The following LIPM variants were observed in gnomAD, a reference collection of about 807,000 sequenced individuals.
LIPM encodes the protein lipase family member M, also known as lipase member M.
Under a neutral mutation model 42.4 loss-of-function variants are expected in LIPM, and 42 were observed. That is an observed-to-expected ratio of 0.99 (90% CI 0.77 to 1.28). The LOEUF (loss-of-function observed/expected upper bound fraction) is 1.28, where lower values mean the gene tolerates loss of function less well. Ranked by LOEUF, LIPM falls within the 50% of genes most tolerant of loss-of-function variation. LIPM has a pLI of 0.00. For synonymous variants in LIPM, 177 were observed against 173.3 expected (o/e 1.02, Z -0.17); for missense variants, 524 against 520.1 (o/e 1.01, Z -0.07).
chr10:88,811,484 A>G (rs1276096313), intron 2 of LIPM, among the ~76,000 whole-genome samples: 1 of 152,224 alleles, frequency 6.6e-6, no homozygotes, highest in Non-Finnish European at 1.5e-5. Flanking sequence ...TACTCCTAAT[A>G]GGGCAGCACC....
rs556504645 is a variant in LIPM, at chr10:88,806,062, A to T, written c.148-2236A>T. 3 of 454,122 alleles carry T rather than the reference A, an allele frequency of 6.6e-6. No individual in the cohort carries two copies. In the East Asian group the frequency reaches 2.1e-4, roughly 32 times the overall value. The allele number at this position is 454,122 out of a possible 1,614,324, so 28.1% of individuals were successfully genotyped here. A position where few individuals can be genotyped will look rare whatever the true frequency, so the allele number is the denominator to read the frequency against. The stretch of plus-strand genomic sequence containing the variant: ...GAACTTGGAGGAAGTGGCTTTCTAC[A>T]GCTAAGGCCATTCCTACAGAAAATG... On this transcript the variant is annotated intron_variant, in intron 1 of 8. Coordinates refer to ENST00000404743, the MANE Select transcript of LIPM (RefSeq NM_001128215.1).
chr10:88,803,910 G>A (rs148819143), intron 1 of LIPM, among the ~76,000 whole-genome samples: 121 of 152,126 alleles, frequency 8.0e-4, no homozygotes, highest in Non-Finnish European at 6.3e-4. Flanking sequence ...TAAATACTAC[G>A]CAATAAACCC....
chr10:88,819,288 T>C (rs1843757336), intron 8 of LIPM, among the ~76,000 whole-genome samples: 1 of 151,250 alleles, frequency 6.6e-6, no homozygotes, highest in South Asian at 2.1e-4. Context: ...AAGGGAAGAG[T>C]AAACAAACAC....
At chr10:88,808,910 C>CATTTT (rs72015280) in intron 2 of LIPM, among the ~76,000 whole-genome samples, 2,527 of 135,368 alleles carry the variant, frequency 0.019, 53 homozygotes, top group African/African-American at 0.032. Context: ...TCTATACATA[C>CATTTT]ATTTTATTTT....
Position 88,808,354 on chromosome 10 carries a change from A to G in LIPM, c.204A>G (p.Glu68=). The change falls in exon 2 of 9, where the codon GAA becomes GAG. Residue 68 remains glutamate, a synonymous_variant. Coordinates refer to ENST00000404743, the MANE Select transcript of LIPM (RefSeq NM_001128215.1). Reference sequence around the variant, plus strand: ...GTGAGGAATATGAAGTCGCAACTGAAGATGGGTATATCCTTTCTGTTAACA... The same window carrying G: ...GTGAGGAATATGAAGTCGCAACTGAGGATGGGTATATCCTTTCTGTTAACA... ...YPCEEYEVAT[E]DGYILSVNRI... 1 of 1,551,662 alleles carries G rather than the reference A, an allele frequency of 6.4e-7. No individual in the cohort carries two copies. Among genetic ancestry groups the G allele is most frequent in the Non-Finnish European group, 8.7e-7 (1 of 1,146,880 alleles).
At position 88,803,025 on chromosome 10, in the gene LIPM, A is replaced by G; in HGVS notation, c.129A>G (p.Pro43=). 1 of 1,550,962 alleles carries G rather than the reference A, an allele frequency of 6.4e-7. No individual in the cohort carries two copies. Among genetic ancestry groups the G allele is most frequent in the South Asian group, 1.2e-5 (1 of 83,816 alleles). ...SVHMPTKAVD[P]EAFMNISEII... ...ATATGCCAACTAAAGCTGTGGACCC[A>G]GAAGCATTCATGAATATTGTAAGTT... is the stretch of plus-strand genomic sequence containing the variant. The change falls in exon 1 of 9, where the codon CCA becomes CCG. Residue 43 remains proline, a synonymous_variant. Transcript: ENST00000404743.
chr10:88,816,296 C>A (rs1208875262), intron 6 of LIPM, among the ~76,000 whole-genome samples: 3 of 152,128 alleles, frequency 2.0e-5, no homozygotes, highest in African/African-American at 7.2e-5. Context: ...GCAGCTGGGG[C>A]AACATTTCCT....
At chr10:88,808,189 A>G in intron 1 of LIPM, 109 bp from the exon 2 acceptor site, 1 of 637,834 alleles carries the variant, frequency 1.6e-6, no homozygotes, top group Non-Finnish European at 2.8e-6. Flanking sequence ...GGGAAAAGCA[A>G]GGACTTTCAC....
rs1210228462 is a variant in LIPM, at chr10:88,817,891, A to G, written c.997A>G (p.Asn333Asp). The change falls in exon 8 of 9, where the codon AAT becomes GAT. Residue 333 changes from asparagine (N) to aspartate (D), a missense_variant. Asn to Asp is a conservative substitution (Grantham distance 23). Coordinates refer to ENST00000404743, the MANE Select transcript of LIPM (RefSeq NM_001128215.1). The stretch of plus-strand genomic sequence containing the variant: ...TGAGACCAAAAATCTGGAAAAATGC[A>G]ATCAGGTAAGAAAATCAAATACCAT... ...GSETKNLEKCNQPTPVRYRVR... is the reference protein window; with the variant it reads ...GSETKNLEKCDQPTPVRYRVR... 7.7e-6 allele frequency: 12 copies of G among 1,550,842 alleles called. No individual in the cohort carries two copies. The highest frequency in any genetic ancestry group is 1.0e-5 in the Non-Finnish European group (12 of 1,146,224).
intron 1 of LIPM, among the ~76,000 whole-genome samples, chr10:88,804,785 T>G (rs1036746504): frequency 1.3e-5 from 2 of 152,178 alleles, no homozygotes; most frequent in Non-Finnish European, 2.9e-5. Flanking sequence ...TTAATTTGCA[T>G]GAAATTAATA....
intron 6 of LIPM, among the ~76,000 whole-genome samples, chr10:88,815,995 T>C (rs1843714756): frequency 1.3e-5 from 2 of 152,112 alleles, no homozygotes; most frequent in South Asian, 4.1e-4. Context: ...GCTCTAGGGA[T>C]AATACCTAGA....
At chr10:88,810,996 GT>G (rs373161281) in intron 2 of LIPM, among the ~76,000 whole-genome samples, 1 of 152,320 alleles carries the variant, frequency 6.6e-6, no homozygotes, top group South Asian at 2.1e-4. Context: ...ATAACACTGA[GT>G]TCCTTCCTCC....
Position 88,820,546 on chromosome 10 carries a change from G to A in LIPM, c.*45G>A. 6.6e-7 allele frequency: 1 copy of A among 1,512,200 alleles called. No homozygotes were observed. The highest frequency in any genetic ancestry group is 8.9e-7 in the Non-Finnish European group (1 of 1,128,722). 93.7% of individuals were successfully genotyped at this position (1,512,200 alleles called of 1,614,324 possible). The stretch of plus-strand genomic sequence containing the variant: ...CTTAGGACAACCTCCTGAGGGATGG[G>A]GCTAGGACCCATGAAGGCAGAATTA... On this transcript the variant is annotated 3_prime_UTR_variant, in exon 9 of 9. Transcript: ENST00000404743.
rs1304353628 is a variant in LIPM at position 88,815,445 on chromosome 10, A to G, written c.800A>G (p.Gln267Arg). Residue 267 changes from glutamine to arginine, a missense_variant, in exon 6 of 9, where the codon CAG becomes CGG. Coordinates refer to ENST00000404743, the MANE Select transcript of LIPM (RefSeq NM_001128215.1). ...IYLCGQVILDQICSNIMLLLG... is the reference protein window; with the variant it reads ...IYLCGQVILDRICSNIMLLLG... Reference sequence around the variant, plus strand: ...CTTTGTGGCCAGGTGATTCTTGATCAGATTTGTAGTAATATCATGTTACTT... The same window carrying G: ...CTTTGTGGCCAGGTGATTCTTGATCGGATTTGTAGTAATATCATGTTACTT... 2.6e-6 allele frequency: 4 copies of G among 1,551,510 alleles called. No homozygotes were observed. In the Admixed American group the frequency reaches 5.9e-5, roughly 23 times the overall value.
intron 1 of LIPM, chr10:88,805,981 G>A (rs1382872825): frequency 2.2e-6 from 1 of 456,548 alleles, no homozygotes. Flanking sequence ...GGGCTGAGAT[G>A]ACCAGGCCTT....
At chr10:88,805,685 G>T (rs1028497290) in intron 1 of LIPM, among the ~76,000 whole-genome samples, 1 of 152,032 alleles carries the variant, frequency 6.6e-6, no homozygotes. Flanking sequence ...ATTTCCCAAC[G>T]TTTTAAATAC....
chr10:88,816,684 T>C (rs1843721641), intron 6 of LIPM, 132 bp from the exon 7 acceptor site: 2 of 623,086 alleles, frequency 3.2e-6, no homozygotes, highest in African/African-American at 1.8e-5. Flanking sequence ...CATATTTTTG[T>C]TTCATAGATA....
intron 1 of LIPM, among the ~76,000 whole-genome samples, chr10:88,807,109 T>C (rs1486328251): frequency 1.3e-5 from 2 of 152,234 alleles, no homozygotes; most frequent in Non-Finnish European, 2.9e-5. Context: ...TTAATGCTTA[T>C]TGAGTTCCTA....
intron 6 of LIPM, 28 bp downstream of exon 6, chr10:88,815,531 C>A (rs1843709007): frequency 1.3e-6 from 2 of 1,546,796 alleles, no homozygotes; most frequent in Non-Finnish European, 1.7e-6. Flanking sequence ...AAATTCCCAG[C>A]ATCCCAGCAT....
Sources: gnomAD v4.1 joint callset for allele counts (sites outside exome capture counted in the v4.1 genomes callset) on GRCh38, gnomAD v4.1.1 for gene constraint, MANE v1.5 for transcripts, NCBI Gene and HGNC (gene_info 2026-07-23, HGNC 2026-07-21) for gene names.